PHF20L1: variants seen among roughly 807,000 people sequenced by gnomAD.
PHF20L1 encodes the protein PHD finger protein 20-like protein 1.
PHF20L1 carries 44 observed loss-of-function variants against 125.5 expected under a neutral mutation model. The ratio of observed to expected loss-of-function variants is 0.35; its 90% CI spans 0.28 to 0.45. The LOEUF is 0.45. Ranked by LOEUF, PHF20L1 falls within the 20% of genes least tolerant of loss-of-function variation. The pLI is 1.00. For synonymous variants in PHF20L1, 380 were observed against 403.1 expected (o/e 0.94, Z 0.69); for missense variants, 1,012 against 1,217.2 (o/e 0.83, Z 2.51).
chr8:132,800,868 A>G (rs1832964878), intron 6 of PHF20L1, among the ~76,000 whole-genome samples: 1 of 151,534 alleles, frequency 6.6e-6, no homozygotes, highest in Non-Finnish European at 1.5e-5. Flanking sequence ...CTGTATTTGT[A>G]GACATTTTTC....
chr8:132,831,087 C>T (rs1836723997), intron 14 of PHF20L1, among the ~76,000 whole-genome samples: 1 of 152,046 alleles, frequency 6.6e-6, no homozygotes, highest in South Asian at 2.1e-4. Context: ...TGTCCCCCCA[C>T]TTCTATGTGT....
intron 8 of PHF20L1, chr8:132,807,298 G>T: frequency 6.0e-6 from 1 of 165,566 alleles, no homozygotes; most frequent in Non-Finnish European, 1.3e-5. Flanking sequence ...ATACTGATTT[G>T]AAATAAACAA....
chr8:132,777,522 C>T (rs755413340), intron 1 of PHF20L1, among the ~76,000 whole-genome samples: 2 of 152,176 alleles, frequency 1.3e-5, no homozygotes, highest in Non-Finnish European at 2.9e-5. Context: ...TAGCTATTAA[C>T]AATTTTTAAC....
intron 12 of PHF20L1, among the ~76,000 whole-genome samples, chr8:132,819,868 T>C (rs961021898): frequency 5.9e-5 from 9 of 151,924 alleles, no homozygotes; most frequent in African/African-American, 1.9e-4. Flanking sequence ...TTGGGGAGTT[T>C]AGAATGATGA....
chr8:132,803,929 A>G lies in PHF20L1; in HGVS notation c.618A>G (p.Arg206=), dbSNP rs758279865. 28 of 1,610,724 alleles carry G rather than the reference A, an allele frequency of 1.7e-5. No homozygotes were observed. The highest frequency in any genetic ancestry group is 2.2e-5 in the Non-Finnish European group (26 of 1,177,382). Residue 206 remains arginine, a synonymous_variant, in exon 7 of 21, where the codon AGA becomes AGG. Transcript: ENST00000395386. ...ATAAAGATAAGGATAAAGATGAGAG[A>G]AAGTGGTTTAAAGTACCTTCAAAGA... The part of the protein sequence containing the change: ...NSNKDKDKDE[R]KWFKVPSKKE...
At chr8:132,821,098 AG>A (rs1245187646) in intron 12 of PHF20L1, among the ~76,000 whole-genome samples, 1 of 151,896 alleles carries the variant, frequency 6.6e-6, no homozygotes, top group African/African-American at 2.4e-5. Flanking sequence ...GATGTCCATG[AG>A]CAGGTCCCCT....
At chr8:132,837,244 A>G (rs1355723545) in intron 16 of PHF20L1, among the ~76,000 whole-genome samples, 1 of 152,160 alleles carries the variant, frequency 6.6e-6, no homozygotes, top group East Asian at 1.9e-4. Context: ...AGTTGAGAGC[A>G]TGAAGAAAGA....
At position 132,847,925 on chromosome 8, in the gene PHF20L1, A is replaced by G. The variant is rs1838530596; in HGVS notation, c.*2002A>G. 6.6e-6 allele frequency: 1 copy of G among 152,092 alleles called. No homozygotes were observed. The highest frequency in any genetic ancestry group is 2.4e-5 in the African/African-American group (1 of 41,424). 9.4% of individuals were successfully genotyped at this position (152,092 alleles called of 1,614,324 possible). On this transcript the variant is annotated 3_prime_UTR_variant, in exon 21 of 21. Transcript: ENST00000395386. ...ATTGATACTATTATTTTTCCTTTGC[A>G]TTTTAAAATAGTGGCTCTAATATTT...
At chr8:132,802,144 CT>C (rs11326219) in intron 6 of PHF20L1, among the ~76,000 whole-genome samples, 68,042 of 143,568 alleles carry the variant, frequency 0.47, 15,947 homozygotes, top group African/African-American at 0.56. Context: ...TCTCTCAATC[CT>C]TTTTTTTTTT....
chr8:132,840,577 A>G (rs1837830643), intron 18 of PHF20L1, among the ~76,000 whole-genome samples: 1 of 152,078 alleles, frequency 6.6e-6, no homozygotes, highest in African/African-American at 2.4e-5. Context: ...TACTCTGTCT[A>G]CCATTTTTTG....
chr8:132,817,445 C>G lies in PHF20L1; in HGVS notation c.1479C>G (p.Tyr493Ter). The stretch of plus-strand genomic sequence containing the variant: ...CACCGGTAGCCTCAGATTCCTCTTA[C>G]CGTAATGAATGTCCCAGGGCAGAAA... ...VTAPVASDSS[Y>*]RNECPRAEKE... Residue 493 changes from tyrosine to a stop codon, truncating the protein, a stop_gained, in exon 12 of 21, where the codon TAC becomes TAG. Coordinates refer to ENST00000395386, the MANE Select transcript of PHF20L1 (RefSeq NM_016018.5). LOFTEE classifies it high-confidence loss of function. The G allele has an allele frequency of 6.2e-7, 1 of 1,612,612 alleles. No homozygotes were observed.
Position 132,839,514 on chromosome 8 carries a change from C to T in PHF20L1, c.2319C>T (p.His773=), listed in dbSNP as rs1180624687. 1.2e-6 allele frequency: 2 copies of T among 1,612,358 alleles called. No homozygotes were observed. Among genetic ancestry groups the T allele is most frequent in the Admixed American group, 1.7e-5 (1 of 59,894 alleles). The change falls in exon 18 of 21, where the codon CAC becomes CAT. Residue 773 remains histidine (H), a synonymous_variant. Coordinates refer to ENST00000395386, the MANE Select transcript of PHF20L1 (RefSeq NM_016018.5). ...CCAAAAAGATAGTTTCTACACATCA[C>T]CTGCTTGCTGATGTCTATGGTGTTA... ...LNAKKIVSTH[H]LLADVYGVTE...
chr8:132,821,726 GA>G (rs1308523675), intron 12 of PHF20L1, among the ~76,000 whole-genome samples: 4 of 151,846 alleles, frequency 2.6e-5, no homozygotes, highest in Non-Finnish European at 5.9e-5. Context: ...CTAGTTTTTT[GA>G]GTTGTGTGCA....
chr8:132,840,029 C>T (rs893669579), intron 18 of PHF20L1, among the ~76,000 whole-genome samples: 2 of 152,076 alleles, frequency 1.3e-5, no homozygotes, highest in African/African-American at 4.8e-5. Context: ...CTCTGCTGTG[C>T]ACCAAATATG....
intron 14 of PHF20L1, among the ~76,000 whole-genome samples, chr8:132,831,634 C>CT (rs1172166452): frequency 2.7e-5 from 4 of 150,188 alleles, no homozygotes; most frequent in Admixed American, 6.6e-5. Context: ...TCTTGCATAT[C>CT]TTTTTTTTTT....
Position 132,845,931 on chromosome 8 carries a change from G to T in PHF20L1, c.*8G>T. The T allele has an allele frequency of 6.2e-7, 1 of 1,606,140 alleles. No individual in the cohort carries two copies. Among genetic ancestry groups the T allele is most frequent in the Non-Finnish European group, 8.5e-7 (1 of 1,174,404 alleles). ...ACTCTTTGCTCTGTATGACAACAGT[G>T]AACACTTAATGAAAGAATGTGGCTT... On this transcript the variant is annotated 3_prime_UTR_variant, in exon 21 of 21. Transcript: ENST00000395386.
intron 12 of PHF20L1, among the ~76,000 whole-genome samples, chr8:132,821,467 C>T (rs1835588431): frequency 6.6e-6 from 1 of 151,908 alleles, no homozygotes; most frequent in Non-Finnish European, 1.5e-5. Context: ...TCCAACATCT[C>T]ACATCAACTT....
At chr8:132,800,261 A>T (rs1832893419) in intron 6 of PHF20L1, among the ~76,000 whole-genome samples, 1 of 151,780 alleles carries the variant, frequency 6.6e-6, no homozygotes, top group South Asian at 2.1e-4. Flanking sequence ...TCACACTATG[A>T]TGCATTATAA....
At chr8:132,830,465 A>G (rs1481921894) in intron 14 of PHF20L1, among the ~76,000 whole-genome samples, 11 of 152,074 alleles carry the variant, frequency 7.2e-5, no homozygotes, top group Non-Finnish European at 8.8e-5. Context: ...GCCACCTTCA[A>G]ATGGATACTT....
Sources: allele counts gnomAD v4.1 joint callset (sites outside exome capture counted in the v4.1 genomes callset), GRCh38; gene constraint gnomAD v4.1.1; transcripts MANE v1.5; gene names NCBI Gene and HGNC (gene_info 2026-07-23, HGNC 2026-07-21).